Variants in ATR observed in about 807,000 individuals in gnomAD.
ATR encodes serine/threonine-protein kinase ATR.
In ATR, 142 loss-of-function variants were observed where a neutral mutation model predicts 305.3. The ratio of observed to expected loss-of-function variants is 0.47; its 90% CI spans 0.41 to 0.53. The LOEUF (loss-of-function observed/expected upper bound fraction) is 0.53, where lower values mean the gene tolerates loss of function less well. Ranked by LOEUF, ATR falls within the 20% of genes least tolerant of loss-of-function variation. ATR has a pLI of 0.00. For missense variants in ATR, 2,135 were observed against 3,133.1 expected, an observed-to-expected ratio of 0.68 and a Z score of 7.60; for synonymous variants, 1,050 against 1,068.1, an observed-to-expected ratio of 0.98 and a Z score of 0.33.
At chr3:142,452,011 A>G in intron 46 of ATR, 1 of 1,027,000 alleles carries the variant, frequency 9.7e-7, no homozygotes, top group Non-Finnish European at 1.2e-6. Flanking sequence ...TACAGAGTGA[A>G]TTTTTCCACA....
intron 36 of ATR, among the ~76,000 whole-genome samples, chr3:142,478,843 A>G (rs1168558383): frequency 1.3e-5 from 2 of 151,954 alleles, no homozygotes; most frequent in African/African-American, 4.8e-5. Context: ...CCATTATGTA[A>G]TGGCCTTCTT....
At chr3:142,484,754 G>A (rs951114560) in intron 36 of ATR, among the ~76,000 whole-genome samples, 3 of 152,058 alleles carry the variant, frequency 2.0e-5, no homozygotes, top group South Asian at 2.1e-4. Context: ...GTATGACACC[G>A]TCTCCAGGTA....
intron 40 of ATR, among the ~76,000 whole-genome samples, chr3:142,466,079 A>C (rs1439516745): frequency 1.3e-5 from 2 of 152,154 alleles, no homozygotes; most frequent in Non-Finnish European, 2.9e-5. Flanking sequence ...GTCATACTAA[A>C]ACAACAGGAG....
Position 142,529,378 on chromosome 3 carries a change from T to C in ATR, c.3946-5179A>G, listed in dbSNP as rs2033549197. On this transcript the variant is annotated intron_variant, in intron 21 of 46. Coordinates refer to ENST00000350721, the MANE Select transcript of ATR (RefSeq NM_001184.4). ...GCCTATGCAACAATTACTGAGCTTA[T>C]CTTACTTACTCCTTACTCTCCCCCT... Among the ~76,000 whole-genome samples, 3 of 152,198 alleles carry C rather than the reference T, an allele frequency of 2.0e-5. No homozygotes were observed. In the South Asian group the frequency reaches 6.2e-4, roughly 31 times the overall value.
rs567746551 is a variant in ATR at position 142,552,962 on chromosome 3, G to C, written c.2805+265C>G. Among the ~76,000 whole-genome samples, 6 of 151,504 alleles carry C rather than the reference G, an allele frequency of 4.0e-5. No homozygotes were observed. The South Asian group carries it at 1.3e-3, about 32-fold the overall frequency. On this transcript the variant is annotated intron_variant, in intron 13 of 46. Transcript: ENST00000350721. ...ACACACACTGGGGCCTGTAAGGGGGGTGGGGGAAGGGAGAGTATCAGAAAT... is the reference window on the plus strand; with the variant it reads ...ACACACACTGGGGCCTGTAAGGGGGCTGGGGGAAGGGAGAGTATCAGAAAT...
At chr3:142,451,736 A>T in intron 46 of ATR, 1 of 1,159,936 alleles carries the variant, frequency 8.6e-7, no homozygotes, top group Non-Finnish European at 1.1e-6. Flanking sequence ...TGTGCCACTG[A>T]GCCCAGCTAA....
At chr3:142,449,821 A>G (rs1009896713) in intron 46 of ATR, 1 of 569,316 alleles carries the variant, frequency 1.8e-6, no homozygotes, top group Non-Finnish European at 3.1e-6. Context: ...CTGCTTGGAC[A>G]TGTTTCTGGA....
At chr3:142,460,536 G>A (rs1328542043) in intron 42 of ATR, among the ~76,000 whole-genome samples, 1 of 152,080 alleles carries the variant, frequency 6.6e-6, no homozygotes, top group Non-Finnish European at 1.5e-5. Flanking sequence ...ACACCAGAAG[G>A]TTAAGAGAAA....
chr3:142,519,843 C>A, intron 23 of ATR, 59 bp from the exon 24 acceptor site: 6 of 1,199,748 alleles, frequency 5.0e-6, no homozygotes, highest in Non-Finnish European at 7.5e-6. Context: ...GCTTTATATT[C>A]GTCAATGTTC....
intron 15 of ATR, among the ~76,000 whole-genome samples, chr3:142,548,606 T>A (rs1355406354): frequency 6.6e-6 from 1 of 151,376 alleles, no homozygotes. Flanking sequence ...GAGGTGGAGG[T>A]TGCAGTGAGC....
intron 21 of ATR, among the ~76,000 whole-genome samples, chr3:142,532,698 A>G (rs1359916516): frequency 6.6e-6 from 1 of 152,210 alleles, no homozygotes; most frequent in Non-Finnish European, 1.5e-5. Flanking sequence ...CTTTGTTGCT[A>G]CATTACACCC....
At chr3:142,466,972 T>G (rs972125194) in intron 39 of ATR, among the ~76,000 whole-genome samples, 50 of 152,202 alleles carry the variant, frequency 3.3e-4, no homozygotes, top group African/African-American at 1.1e-3. Flanking sequence ...TGTAAAGCAC[T>G]TACAACAGTG....
chr3:142,466,605 C>T (rs1287144707), intron 39 of ATR, 72 bp from the exon 40 acceptor site: 3 of 1,393,912 alleles, frequency 2.2e-6, no homozygotes, highest in Non-Finnish European at 3.0e-6. Flanking sequence ...TTCACTTTTA[C>T]AATATTTTGA....
intron 16 of ATR, among the ~76,000 whole-genome samples, chr3:142,544,621 CAAAAAAA>C (rs71153972): frequency 6.0e-5 from 5 of 83,600 alleles, no homozygotes; most frequent in Non-Finnish European, 4.9e-5. Flanking sequence ...AAGAAAGGAG[CAAAAAAA>C]AAAAAAAAAA....
chr3:142,490,296 T>G (rs994859290), intron 35 of ATR, among the ~76,000 whole-genome samples: 1 of 152,210 alleles, frequency 6.6e-6, no homozygotes, highest in Non-Finnish European at 1.5e-5. Context: ...CTTCAAGTGA[T>G]CCTCAGGCCT....
intron 1 of ATR, among the ~76,000 whole-genome samples, chr3:142,576,974 C>T (rs1008083671): frequency 5.3e-5 from 8 of 152,118 alleles, no homozygotes; most frequent in African/African-American, 1.9e-4. Flanking sequence ...GCCTTGAAAG[C>T]TTGAATCTGA....
chr3:142,560,198 A>G (rs2108482084), intron 6 of ATR, 65 bp downstream of exon 6: 1 of 1,472,634 alleles, frequency 6.8e-7, no homozygotes, highest in South Asian at 1.1e-5. Context: ...GTGAATAATG[A>G]GTAAACAGTA....
At chr3:142,574,147 C>T (rs2035361692) in intron 1 of ATR, among the ~76,000 whole-genome samples, 2 of 151,978 alleles carry the variant, frequency 1.3e-5, no homozygotes, top group African/African-American at 4.8e-5. Context: ...AAATTGATTA[C>T]CATTCATTAG....
intron 36 of ATR, among the ~76,000 whole-genome samples, chr3:142,479,393 C>T (rs956747397): frequency 2.6e-5 from 4 of 152,040 alleles, no homozygotes; most frequent in African/African-American, 4.8e-5. Flanking sequence ...AATTCTTTTC[C>T]TTAAGAATTT....
Sources: allele counts gnomAD v4.1 joint callset (sites outside exome capture counted in the v4.1 genomes callset), GRCh38; gene constraint gnomAD v4.1.1; transcripts MANE v1.5; gene names NCBI Gene and HGNC (gene_info 2026-07-23, HGNC 2026-07-21).